CDH4: variants seen among roughly 807,000 people sequenced by gnomAD.
CDH4 encodes the protein cadherin 4.
CDH4 carries 33 observed loss-of-function variants against 86.0 expected under a neutral mutation model. That is an observed-to-expected ratio of 0.38 (90% confidence interval 0.29 to 0.51). CDH4 has a LOEUF of 0.51. Among genes scored for constraint, CDH4 ranks in the 20% least tolerant of loss-of-function variants. The pLI is 0.86. For synonymous variants in CDH4, 555 were observed against 549.4 expected (o/e 1.01, Z -0.14); for missense variants, 1,114 against 1,307.4 (o/e 0.85, Z 2.28).
At chr20:61,802,989 G>T (rs185972680) in intron 4 of CDH4, among the ~76,000 whole-genome samples, 1 of 152,374 alleles carries the variant, frequency 6.6e-6, no homozygotes, top group South Asian at 2.1e-4. Context: ...GGAGGCAGAG[G>T]AGGCGGCGTG....
At chr20:61,368,999 ACAT>A (rs2084825288) in intron 2 of CDH4, among the ~76,000 whole-genome samples, 1 of 152,204 alleles carries the variant, frequency 6.6e-6, no homozygotes, top group Non-Finnish European at 1.5e-5. Context: ...TCATGAGAAA[ACAT>A]CAGAGAAACC....
At chr20:61,318,854 C>T (rs1697441052) in intron 2 of CDH4, among the ~76,000 whole-genome samples, 1 of 152,202 alleles carries the variant, frequency 6.6e-6, no homozygotes, top group African/African-American at 2.4e-5. Flanking sequence ...CGTTTATTCA[C>T]AAATGCCCAG....
intron 2 of CDH4, among the ~76,000 whole-genome samples, chr20:61,729,783 C>T (rs906596087): frequency 4.6e-5 from 7 of 152,092 alleles, no homozygotes; most frequent in South Asian, 2.1e-4. Context: ...ATGCAGTGTC[C>T]ATGAGGATGT....
intron 2 of CDH4, among the ~76,000 whole-genome samples, chr20:61,547,993 G>A (rs1017770708): frequency 6.6e-6 from 1 of 152,160 alleles, no homozygotes; most frequent in Non-Finnish European, 1.5e-5. Flanking sequence ...TTGAGGGGAG[G>A]GGGAGGCCTT....
chr20:61,413,315 GC>G (rs1421027154), intron 2 of CDH4, among the ~76,000 whole-genome samples: 2 of 152,092 alleles, frequency 1.3e-5, no homozygotes, highest in African/African-American at 4.8e-5. Context: ...TTCCAGCATG[GC>G]TTTTGGCTTT....
intron 2 of CDH4, among the ~76,000 whole-genome samples, chr20:61,277,642 T>G (rs559018545): frequency 6.6e-6 from 1 of 152,342 alleles, no homozygotes; most frequent in East Asian, 1.9e-4. Flanking sequence ...TATGTTTTAT[T>G]TTGCACCTGT....
intron 2 of CDH4, among the ~76,000 whole-genome samples, chr20:61,615,707 A>G (rs2086719664): frequency 6.6e-6 from 1 of 152,160 alleles, no homozygotes; most frequent in African/African-American, 2.4e-5. Context: ...GTCATTATCA[A>G]TGTAGGGATG....
intron 2 of CDH4, among the ~76,000 whole-genome samples, chr20:61,625,828 C>T (rs1320855882): frequency 2.0e-5 from 3 of 152,200 alleles, no homozygotes; most frequent in Admixed American, 6.5e-5. Flanking sequence ...ATAAGGATGC[C>T]AAGGCTCAAG....
intron 7 of CDH4, 107 bp from the exon 8 acceptor site, chr20:61,894,803 G>A (rs1048409129): frequency 1.7e-5 from 21 of 1,258,102 alleles, no homozygotes; most frequent in East Asian, 4.7e-5. Context: ...AAAGAGAACC[G>A]GTTCCAGGAA....
intron 2 of CDH4, among the ~76,000 whole-genome samples, chr20:61,405,975 C>T (rs1002748478): frequency 2.6e-5 from 4 of 152,292 alleles, no homozygotes; most frequent in East Asian, 1.9e-4. Flanking sequence ...CCACCGCGCC[C>T]GGCCTATAAT....
chr20:61,586,750 C>T (rs1389827355), intron 2 of CDH4, among the ~76,000 whole-genome samples: 1 of 152,204 alleles, frequency 6.6e-6, no homozygotes, highest in African/African-American at 2.4e-5. Flanking sequence ...CACTCTCAAT[C>T]ACCATCCTGT....
In CDH4 at chr20:61,938,400, G is replaced by C. The variant is rs1443387625; in HGVS notation, c.*1457G>C. 17 of 152,492 alleles carry C rather than the reference G, an allele frequency of 1.1e-4. No individual in the cohort carries two copies. The highest frequency in any genetic ancestry group is 1.1e-3 in the Admixed American group (17 of 15,292). The allele number at this position is 152,492 out of a possible 1,614,324, so 9.4% of individuals were successfully genotyped here. A position where few individuals can be genotyped will look rare whatever the true frequency, so the allele number is the denominator to read the frequency against. On this transcript the variant is annotated 3_prime_UTR_variant, in exon 16 of 16. Transcript: ENST00000614565. Reference sequence around the variant, plus strand: ...GGTGCATTCTCCCTCTGGCATGGCTGTGTCTGGGCGCCTTGGGCTGCGGCA... The same window carrying C: ...GGTGCATTCTCCCTCTGGCATGGCTCTGTCTGGGCGCCTTGGGCTGCGGCA...
intron 2 of CDH4, among the ~76,000 whole-genome samples, chr20:61,339,945 T>C (rs1408608679): frequency 6.6e-6 from 1 of 152,226 alleles, no homozygotes; most frequent in East Asian, 1.9e-4. Flanking sequence ...TAAAGAGTTA[T>C]TTAAATGCTA....
intron 2 of CDH4, among the ~76,000 whole-genome samples, chr20:61,599,266 C>T (rs1366388531): frequency 6.6e-6 from 1 of 152,190 alleles, no homozygotes; most frequent in Non-Finnish European, 1.5e-5. Context: ...CTCTTTCACC[C>T]GGCTGAGCGG....
chr20:61,815,821 A>G (rs951464765), intron 4 of CDH4, among the ~76,000 whole-genome samples: 1 of 152,196 alleles, frequency 6.6e-6, no homozygotes, highest in African/African-American at 2.4e-5. Context: ...CCCAGCCAGA[A>G]ATGCAAAGCT....
At chr20:61,615,323 T>C (rs1029961720) in intron 2 of CDH4, among the ~76,000 whole-genome samples, 2 of 152,104 alleles carry the variant, frequency 1.3e-5, no homozygotes, top group African/African-American at 2.4e-5. Flanking sequence ...GGTTTCACGA[T>C]GTTGGCCAGA....
intron 2 of CDH4, among the ~76,000 whole-genome samples, chr20:61,507,669 C>T (rs1354977527): frequency 6.6e-6 from 1 of 152,170 alleles, no homozygotes; most frequent in Non-Finnish European, 1.5e-5. Context: ...ATCTGAGCAA[C>T]CGTCACAGCC....
intron 2 of CDH4, among the ~76,000 whole-genome samples, chr20:61,726,339 C>T (rs750239968): frequency 6.6e-5 from 10 of 152,190 alleles, no homozygotes; most frequent in Middle Eastern, 3.4e-3. Context: ...AGGTGCCCTG[C>T]GGTGGTTTCT....
chr20:61,261,982 G>A lies in CDH4; in HGVS notation c.169+7045G>A, dbSNP rs146921711. On this transcript the variant is annotated intron_variant, in intron 2 of 15. Coordinates refer to ENST00000614565, the MANE Select transcript of CDH4 (RefSeq NM_001794.5). ...CAGTCCCAGAGCCGAGCTCTCTCTC[G>A]GATTTTAGACTCTGCCAGCGCTGGG... is the stretch of plus-strand genomic sequence containing the variant. 6.5e-3 allele frequency among the ~76,000 whole-genome samples: 997 copies of A among 152,272 alleles called. 14 individuals are homozygous for A. The highest frequency in any genetic ancestry group is 0.026 in the South Asian group (124 of 4,810).
Sources: gnomAD v4.1 joint callset for allele counts (sites outside exome capture counted in the v4.1 genomes callset) on GRCh38, gnomAD v4.1.1 for gene constraint, MANE v1.5 for transcripts, NCBI Gene and HGNC (gene_info 2026-07-23, HGNC 2026-07-21) for gene names.